Variants in TGFBR2 observed in about 807,000 individuals in gnomAD.
The protein encoded by TGFBR2 is TGF-beta receptor type-2.
In TGFBR2, 18 loss-of-function variants were observed where a neutral mutation model predicts 49.0. The observed-to-expected ratio is 0.37, with a 90% CI of 0.25 to 0.54. The LOEUF is 0.54. Among genes scored for constraint, TGFBR2 ranks in the 20% least tolerant of loss-of-function variants. TGFBR2 has a pLI of 0.85. For missense variants in TGFBR2, 525 were observed against 722.6 expected (o/e 0.73, Z 3.13); for synonymous variants, 282 against 275.9 (o/e 1.02, Z -0.22).
At chr3:30,622,062 AAT>A (rs1339621144) in intron 1 of TGFBR2, among the ~76,000 whole-genome samples, 5 of 152,204 alleles carry the variant, frequency 3.3e-5, no homozygotes, top group Non-Finnish European at 7.3e-5. Context: ...GTACATCTTT[AAT>A]AAGTTCTGGG....
At chr3:30,625,692 C>A (rs1418403296) in intron 1 of TGFBR2, among the ~76,000 whole-genome samples, 1 of 152,202 alleles carries the variant, frequency 6.6e-6, no homozygotes, top group Non-Finnish European at 1.5e-5. Context: ...GTTTATGATT[C>A]CTGCCTCATC....
intron 3 of TGFBR2, among the ~76,000 whole-genome samples, chr3:30,659,882 C>T (rs545814954): frequency 6.6e-6 from 1 of 151,740 alleles, no homozygotes; most frequent in Admixed American, 6.6e-5. Flanking sequence ...AGTGTCCCAC[C>T]AGGGGAAAAA....
intron 3 of TGFBR2, among the ~76,000 whole-genome samples, chr3:30,671,337 T>C (rs1346149448): frequency 1.3e-5 from 2 of 152,114 alleles, no homozygotes; most frequent in East Asian, 1.9e-4. Context: ...CTAGGAAAAG[T>C]ATAAGGTGCT....
At chr3:30,654,604 C>T (rs1041230655) in intron 3 of TGFBR2, among the ~76,000 whole-genome samples, 2 of 152,116 alleles carry the variant, frequency 1.3e-5, no homozygotes, top group African/African-American at 4.8e-5. Flanking sequence ...CTGTACTAAC[C>T]AACATATAAA....
chr3:30,680,241 A>C (rs963866768), intron 5 of TGFBR2, among the ~76,000 whole-genome samples: 2 of 151,944 alleles, frequency 1.3e-5, no homozygotes, highest in African/African-American at 4.8e-5. Flanking sequence ...GAAGCTGAGG[A>C]GACAATCACA....
chr3:30,657,016 A>G (rs1454823334), intron 3 of TGFBR2, among the ~76,000 whole-genome samples: 1 of 152,028 alleles, frequency 6.6e-6, no homozygotes, highest in African/African-American at 2.4e-5. Context: ...TGATGAAGTG[A>G]AACCCGTGAA....
intron 5 of TGFBR2, among the ~76,000 whole-genome samples, chr3:30,686,158 G>A (rs917774688): frequency 6.6e-6 from 1 of 152,116 alleles, no homozygotes; most frequent in Admixed American, 6.5e-5. Context: ...GAATTCAACC[G>A]AACTCATATT....
intron 1 of TGFBR2, among the ~76,000 whole-genome samples, chr3:30,611,210 C>T (rs1011359279): frequency 6.6e-6 from 1 of 152,140 alleles, no homozygotes; most frequent in African/African-American, 2.4e-5. Context: ...CATTTAGCAC[C>T]CAGGAAGTGC....
intron 1 of TGFBR2, among the ~76,000 whole-genome samples, chr3:30,628,576 CT>C (rs1236848739): frequency 2.7e-5 from 1 of 37,334 alleles, no homozygotes; most frequent in Non-Finnish European, 5.0e-5. Context: ...AATTTCCTTT[CT>C]TTAGGCTTGT....
At chr3:30,639,418 T>C (rs988483147) in intron 1 of TGFBR2, among the ~76,000 whole-genome samples, 1 of 152,222 alleles carries the variant, frequency 6.6e-6, no homozygotes, top group Non-Finnish European at 1.5e-5. Context: ...GAGCAAAAGC[T>C]GAGGTTTCTG....
intron 5 of TGFBR2, among the ~76,000 whole-genome samples, chr3:30,684,708 CT>C (rs201401517): frequency 0.043 from 6,543 of 152,238 alleles, 458 homozygotes; most frequent in African/African-American, 0.15. Context: ...CCTTGTATCC[CT>C]TGGGAATATT....
chr3:30,667,251 T>C (rs1459617548), intron 3 of TGFBR2, among the ~76,000 whole-genome samples: 3 of 152,250 alleles, frequency 2.0e-5, no homozygotes, highest in East Asian at 1.9e-4. Flanking sequence ...TCTCTGTAAC[T>C]GGCGGCTGAT....
chr3:30,625,291 G>C (rs1010076437), intron 1 of TGFBR2, among the ~76,000 whole-genome samples: 6 of 152,186 alleles, frequency 3.9e-5, no homozygotes, highest in Admixed American at 3.9e-4. Flanking sequence ...GGGATATATT[G>C]CTTGTGTAAC....
At position 30,607,018 on chromosome 3, in the gene TGFBR2, T is replaced by C. The variant is rs561221854; in HGVS notation, c.94+41T>C. ...CCCGGGCTCGGCGGGGCGCCGGGGG[T>C]CTTCCTGGGGTCCCCGCCTCTCCGC... On this transcript the variant is annotated intron_variant, in intron 1 of 6. Transcript: ENST00000295754. The C allele has an allele frequency of 2.6e-6, 4 of 1,513,502 alleles. No individual in the cohort carries two copies. The African/African-American group carries it at 5.6e-5, about 21-fold the overall frequency. The allele number at this position is 1,513,502 out of a possible 1,614,324, so 93.8% of individuals were successfully genotyped here. A position where few individuals can be genotyped will look rare whatever the true frequency, so the allele number is the denominator to read the frequency against.
intron 1 of TGFBR2, among the ~76,000 whole-genome samples, chr3:30,640,311 A>C (rs568183493): frequency 3.7e-4 from 56 of 152,322 alleles, no homozygotes; most frequent in Non-Finnish European, 6.5e-4. Flanking sequence ...TTTATGAATA[A>C]CGAATTTGCC....
intron 2 of TGFBR2, among the ~76,000 whole-genome samples, chr3:30,649,395 A>G (rs1469337024): frequency 6.6e-6 from 1 of 152,174 alleles, no homozygotes; most frequent in East Asian, 1.9e-4. Flanking sequence ...TGTTGTTTAA[A>G]AATCTAATGT....
chr3:30,613,374 A>G (rs1698065511), intron 1 of TGFBR2, among the ~76,000 whole-genome samples: 1 of 152,062 alleles, frequency 6.6e-6, no homozygotes, highest in Non-Finnish European at 1.5e-5. Context: ...GTGGGAACCC[A>G]CATTCGCTGT....
chr3:30,656,900 T>C (rs2082225), intron 3 of TGFBR2, among the ~76,000 whole-genome samples: 24,539 of 152,184 alleles, frequency 0.16, 2,286 homozygotes, highest in East Asian at 0.37. Context: ...ATAGAACAAC[T>C]ATAGTGATGA....
intron 1 of TGFBR2, among the ~76,000 whole-genome samples, chr3:30,614,115 C>CTTTTTTTTTTTTTTTTTTTT (rs5847643): frequency 8.3e-6 from 1 of 120,632 alleles, no homozygotes; most frequent in African/African-American, 3.2e-5. Flanking sequence ...TTTTTCTTTC[C>CTTTTTTTTTTTTTTTTTTTT]TTTTTTTTTT....
Sources: gnomAD v4.1 joint callset for allele counts (sites outside exome capture counted in the v4.1 genomes callset) on GRCh38, gnomAD v4.1.1 for gene constraint, MANE v1.5 for transcripts, NCBI Gene and HGNC (gene_info 2026-07-23, HGNC 2026-07-21) for gene names.